PTGER4: variants seen among roughly 807,000 people sequenced by gnomAD.
PTGER4 encodes prostaglandin E2 receptor EP4 subtype.
Under a neutral mutation model 33.2 loss-of-function variants are expected in PTGER4, and 11 were observed. The ratio of observed to expected loss-of-function variants is 0.33; its 90% CI spans 0.21 to 0.55. PTGER4 has a LOEUF of 0.55. Ranked by LOEUF, PTGER4 falls within the 20% of genes least tolerant of loss-of-function variation. The probability of loss-of-function intolerance (pLI) is 0.92; values close to 1 mark genes in which losing one functional copy is unlikely to be tolerated. For synonymous variants in PTGER4, 275 were observed against 281.5 expected, an observed-to-expected ratio of 0.98 and a Z score of 0.23; for missense variants, 481 against 650.2, an observed-to-expected ratio of 0.74 and a Z score of 2.83.
At chr5:40,697,226 A>AAAG (rs1741623067), downstream of PTGER4, among the ~76,000 whole-genome samples, 6 of 112,638 alleles carry the variant, frequency 5.3e-5, no homozygotes, top group East Asian at 6.9e-4. Flanking sequence ...AAGAAAGAAG[A>AAAG]AAAGAAAGAA....
At chr5:40,731,547 C>T in the PTGER4 span, among the ~76,000 whole-genome samples, 10 of 152,232 alleles carry the variant, frequency 6.6e-5, no homozygotes, top group African/African-American at 1.9e-4. Context: ...CATGGAGGCA[C>T]GAGAGAGAAA....
rs746883565 is a variant in PTGER4 at position 40,691,732 on chromosome 5, C to T, written c.868-47C>T. ...GTAGACATAGCATTTATATGTTTTCCCAATTGATTAATGATGAAATCTAAA... is the reference window on the plus strand; with the variant it reads ...GTAGACATAGCATTTATATGTTTTCTCAATTGATTAATGATGAAATCTAAA... On this transcript the variant is annotated intron_variant, in intron 2 of 2. Transcript: ENST00000302472. The surrounding 1 kb of genome is among the most constrained non-coding windows in gnomAD (Gnocchi z 4.2). 25 of 1,564,226 alleles carry T rather than the reference C, an allele frequency of 1.6e-5. No homozygotes were observed. Among genetic ancestry groups the T allele is most frequent in the Admixed American group, 3.8e-5 (2 of 53,112 alleles).
the PTGER4 span, among the ~76,000 whole-genome samples, chr5:40,745,405 T>A: frequency 6.6e-6 from 1 of 152,150 alleles, no homozygotes; most frequent in Non-Finnish European, 1.5e-5. Flanking sequence ...AAAAACACCC[T>A]GTAAATATGC....
the PTGER4 span, among the ~76,000 whole-genome samples, chr5:40,723,907 G>T: frequency 1.3e-5 from 2 of 152,104 alleles, no homozygotes; most frequent in African/African-American, 4.8e-5. Flanking sequence ...TGTCAGTGAG[G>T]TTATGGAGAA....
At chr5:40,728,198 C>G in the PTGER4 span, 1 of 523,956 alleles carries the variant, frequency 1.9e-6, no homozygotes, top group Non-Finnish European at 3.1e-6. Flanking sequence ...ACAGGAGAAT[C>G]GCTTGAACCC....
At chr5:40,737,595 T>C in the PTGER4 span, among the ~76,000 whole-genome samples, 2 of 152,218 alleles carry the variant, frequency 1.3e-5, no homozygotes, top group African/African-American at 2.4e-5. Context: ...TGGTGTGTGA[T>C]TTATATATCA....
chr5:40,685,362 T>G (rs759644242), intron 2 of PTGER4: 33 of 982,546 alleles, frequency 3.4e-5, no homozygotes, highest in Non-Finnish European at 3.5e-5. Context: ...ATAAAAACTT[T>G]GTAAATAGAT....
downstream of PTGER4, among the ~76,000 whole-genome samples, chr5:40,696,371 C>G (rs1413574510): frequency 2.0e-5 from 3 of 152,154 alleles, no homozygotes; most frequent in Non-Finnish European, 4.4e-5. Context: ...ATGCCCTTCT[C>G]CCGTTACATC....
chr5:40,739,988 T>C, the PTGER4 span, among the ~76,000 whole-genome samples: 1 of 152,168 alleles, frequency 6.6e-6, no homozygotes, highest in African/African-American at 2.4e-5. Context: ...TTTACATCCA[T>C]TATTGGCTTA....
the PTGER4 span, among the ~76,000 whole-genome samples, chr5:40,742,500 G>A: frequency 6.6e-6 from 1 of 152,122 alleles, no homozygotes; most frequent in African/African-American, 2.4e-5. Context: ...TTGCAAAGCT[G>A]GTCAACAGCA....
At chr5:40,716,136 C>A in the PTGER4 span, 2 of 1,581,766 alleles carry the variant, frequency 1.3e-6, no homozygotes, top group Non-Finnish European at 1.7e-6. Flanking sequence ...TAATCCTATG[C>A]ATACTGCTTC....
chr5:40,741,544 T>C, the PTGER4 span, among the ~76,000 whole-genome samples: 1 of 152,184 alleles, frequency 6.6e-6, no homozygotes, highest in African/African-American at 2.4e-5. Context: ...TCTGAGTAGC[T>C]TCCTCTTCTC....
At chr5:40,685,279 G>T (rs1176659135) in intron 2 of PTGER4, 3 of 426,322 alleles carry the variant, frequency 7.0e-6, no homozygotes, top group Non-Finnish European at 9.4e-6. Flanking sequence ...TGTTTATTTG[G>T]TTCCTTACTA....
chr5:40,722,467 C>A, the PTGER4 span, among the ~76,000 whole-genome samples: 1 of 151,408 alleles, frequency 6.6e-6, no homozygotes, highest in South Asian at 2.1e-4. Context: ...TGAGGAGCCT[C>A]TCTGCCTGGC....
the PTGER4 span, among the ~76,000 whole-genome samples, chr5:40,706,893 G>C: frequency 1.3e-5 from 2 of 152,050 alleles, no homozygotes; most frequent in Non-Finnish European, 2.9e-5. Context: ...TTAAAGAAAA[G>C]AATTTTCAAC....
the PTGER4 span, among the ~76,000 whole-genome samples, chr5:40,725,837 G>C: frequency 1.4e-5 from 2 of 146,270 alleles, no homozygotes; most frequent in African/African-American, 5.1e-5. Context: ...CCAGGCTGGA[G>C]TGCAGTGGCG....
chr5:40,696,508 G>C (rs933105681), downstream of PTGER4: 7 of 190,986 alleles, frequency 3.7e-5, no homozygotes, highest in Non-Finnish European at 5.8e-5. Flanking sequence ...CTTACTGTGG[G>C]GTTTCTCTGG....
chr5:40,713,403 G>C, the PTGER4 span, among the ~76,000 whole-genome samples: 1 of 152,244 alleles, frequency 6.6e-6, no homozygotes, highest in Admixed American at 6.5e-5. Flanking sequence ...CTGAGACAGA[G>C]CTTTTAAAAA....
At chr5:40,689,938 A>G (rs1741428278) in intron 2 of PTGER4, among the ~76,000 whole-genome samples, 1 of 152,132 alleles carries the variant, frequency 6.6e-6, no homozygotes, top group South Asian at 2.1e-4. Flanking sequence ...TTCTATGTGA[A>G]TTACCACTAC....
Sources: allele counts gnomAD v4.1 joint callset (sites outside exome capture counted in the v4.1 genomes callset), GRCh38; gene constraint gnomAD v4.1.1; non-coding constraint Gnocchi (gnomAD v3.1); transcripts MANE v1.5; gene names NCBI Gene and HGNC (gene_info 2026-07-23, HGNC 2026-07-21).